The following NUDT13 variants were observed in gnomAD, a reference collection of about 807,000 sequenced individuals.
The protein encoded by NUDT13 is NAD(P)H pyrophosphatase NUDT13, mitochondrial.
A neutral mutation model predicts 41.7 loss-of-function variants in NUDT13; 40 were observed. The ratio of observed to expected loss-of-function variants is 0.96; its 90% CI spans 0.75 to 1.25. NUDT13 has a LOEUF of 1.25. NUDT13 is among the 50% of genes most tolerant of loss of function. The pLI, the probability that NUDT13 is intolerant of heterozygous loss-of-function variation, is 0.00. For synonymous variants in NUDT13, 145 were observed against 155.5 expected, an observed-to-expected ratio of 0.93 and a Z score of 0.50; for missense variants, 390 against 416.1, an observed-to-expected ratio of 0.94 and a Z score of 0.55.
intron 3 of NUDT13, among the ~76,000 whole-genome samples, chr10:73,121,234 C>A (rs1842639695): frequency 6.6e-6 from 1 of 151,972 alleles, no homozygotes; most frequent in African/African-American, 2.4e-5. Context: ...ATTAGTCGAG[C>A]CTTGTGGTGT....
At chr10:73,112,245 C>G (rs1189609997) in intron 1 of NUDT13, among the ~76,000 whole-genome samples, 1 of 151,900 alleles carries the variant, frequency 6.6e-6, no homozygotes, top group Non-Finnish European at 1.5e-5. Flanking sequence ...CCCAACTACT[C>G]GAGAGGCTGA....
At chr10:73,113,171 G>A (rs1842411400) in intron 1 of NUDT13, among the ~76,000 whole-genome samples, 1 of 152,226 alleles carries the variant, frequency 6.6e-6, no homozygotes, top group African/African-American at 2.4e-5. Context: ...ACAGGCGTGA[G>A]CCACCGCACC....
At chr10:73,113,537 A>G (rs986906183) in intron 1 of NUDT13, among the ~76,000 whole-genome samples, 3 of 152,156 alleles carry the variant, frequency 2.0e-5, no homozygotes, top group Admixed American at 6.5e-5. Context: ...AAAGCTGGCT[A>G]TATATTTGTT....
rs144122967 is a variant in NUDT13, at chr10:73,126,835, C to G, written c.858+8C>G. The G allele has an allele frequency of 9.9e-5, 160 of 1,612,586 alleles. No homozygotes were observed. Among genetic ancestry groups the G allele is most frequent in the African/African-American group, 7.5e-4 (56 of 75,004 alleles). On this transcript the variant is annotated splice_region_variant and intron_variant, in intron 8 of 8. Transcript: ENST00000357321. ...AAACCAGGGCAGACAGAAGTAAGTT[C>G]TCATCTTCCCTTATACTGTGATATT...
chr10:73,125,311 C>T, intron 6 of NUDT13, 68 bp downstream of exon 6: 1 of 1,599,832 alleles, frequency 6.3e-7, no homozygotes, highest in East Asian at 2.2e-5. Flanking sequence ...GGGAAGGAAG[C>T]CTGTGCAATT....
chr10:73,124,808 C>T (rs772017322), intron 5 of NUDT13: 59 of 241,318 alleles, frequency 2.4e-4, no homozygotes, highest in Non-Finnish European at 3.9e-4. Flanking sequence ...TTCAACTGTA[C>T]TGGGAATGTT....
rs750238778 is a variant in NUDT13 at position 73,120,071 on chromosome 10, C to T, written c.137C>T (p.Thr46Ile). 1 of 1,614,152 alleles carries T rather than the reference C, an allele frequency of 6.2e-7. No homozygotes were observed. Among genetic ancestry groups the T allele is most frequent in the Admixed American group, 1.7e-5 (1 of 60,026 alleles). The part of the protein sequence containing the change: ...DDDACKKAQQ[T>I]GAFYLFHSLA... Reference sequence around the variant, plus strand: ...GATGCATGTAAAAAAGCCCAGCAAACAGGAGCGTTTTACCTCTTTCATAGT... The same window carrying T: ...GATGCATGTAAAAAAGCCCAGCAAATAGGAGCGTTTTACCTCTTTCATAGT... Residue 46 changes from threonine (T) to isoleucine (I), a missense_variant, in exon 3 of 9, where the codon ACA becomes ATA. Coordinates refer to ENST00000357321, the MANE Select transcript of NUDT13 (RefSeq NM_015901.6).
chr10:73,118,236 C>A (rs1842562311), intron 2 of NUDT13, among the ~76,000 whole-genome samples: 1 of 152,210 alleles, frequency 6.6e-6, no homozygotes, highest in Admixed American at 6.5e-5. Flanking sequence ...CTTAAAAGAT[C>A]AGGTTTCTTT....
chr10:73,128,871 G>A (rs1842850918), intron 8 of NUDT13, among the ~76,000 whole-genome samples: 1 of 152,038 alleles, frequency 6.6e-6, no homozygotes. Flanking sequence ...ATTGTTTCAG[G>A]TTTTATATTT....
intron 1 of NUDT13, among the ~76,000 whole-genome samples, chr10:73,113,937 T>C (rs1214913575): frequency 2.6e-5 from 4 of 152,224 alleles, no homozygotes; most frequent in African/African-American, 7.2e-5. Flanking sequence ...AGGGACCATC[T>C]TGGCCAGAAT....
In NUDT13 at chr10:73,130,723, A is replaced by G. The variant is rs1256480434; in HGVS notation, c.879A>G (p.Glu293=). 2 of 1,613,802 alleles carry G rather than the reference A, an allele frequency of 1.2e-6. No homozygotes were observed. The highest frequency in any genetic ancestry group is 1.7e-5 in the Admixed American group (1 of 60,002). ...GQTEIQVNLR[E]LETAAWFSHD... ...TTCAGATCCAGGTGAACTTGAGAGA[A>G]TTAGAGACAGCTGCCTGGTTCAGTC... Residue 293 remains glutamate, a synonymous_variant, in exon 9 of 9, where the codon GAA becomes GAG. Coordinates refer to ENST00000357321, the MANE Select transcript of NUDT13 (RefSeq NM_015901.6).
chr10:73,131,107 G>A lies in NUDT13; in HGVS notation c.*204G>A. The A allele has an allele frequency of 2.2e-6, 1 of 455,814 alleles. No homozygotes were observed. Among genetic ancestry groups the A allele is most frequent in the East Asian group, 3.8e-5 (1 of 26,136 alleles). 28.2% of individuals were successfully genotyped at this position (455,814 alleles called of 1,614,324 possible). On this transcript the variant is annotated 3_prime_UTR_variant, in exon 9 of 9. Transcript: ENST00000357321. Reference sequence around the variant, plus strand: ...TGGGCAATCAAAAAAGCCAGTGTGAGAAGAAAACTGATGAGCTGTCAACTG... The same window carrying A: ...TGGGCAATCAAAAAAGCCAGTGTGAAAAGAAAACTGATGAGCTGTCAACTG...
intron 2 of NUDT13, 65 bp downstream of exon 2, chr10:73,114,513 G>C (rs1273449045): frequency 1.5e-6 from 1 of 665,602 alleles, no homozygotes; most frequent in East Asian, 3.1e-5. Flanking sequence ...GTGATATTAT[G>C]ATTTTATATA....
chr10:73,122,373 T>G (rs998579763), intron 4 of NUDT13, 64 bp downstream of exon 4: 3 of 1,467,848 alleles, frequency 2.0e-6, no homozygotes, highest in Non-Finnish European at 2.8e-6. Context: ...TTTCACATAA[T>G]GGTAAAATTT....
intron 7 of NUDT13, 28 bp downstream of exon 7, chr10:73,125,537 A>T (rs1842751531): frequency 7.2e-7 from 1 of 1,387,700 alleles, no homozygotes; most frequent in African/African-American, 1.4e-5. Context: ...TATACAGGTG[A>T]CACTGGAAGA....
intron 2 of NUDT13, 25 bp from the exon 3 acceptor site, chr10:73,119,993 T>C (rs201912186): frequency 6.2e-7 from 1 of 1,613,244 alleles, no homozygotes; most frequent in African/African-American, 1.3e-5. Flanking sequence ...GGTTTTGTAA[T>C]GGTTTGATTA....
In NUDT13 at chr10:73,130,918, C is replaced by T. The variant is rs555446668; in HGVS notation, c.*15C>T. 6.2e-7 allele frequency: 1 copy of T among 1,603,798 alleles called. No homozygotes were observed. Among genetic ancestry groups the T allele is most frequent in the South Asian group, 1.1e-5 (1 of 90,688 alleles). The stretch of plus-strand genomic sequence containing the variant: ...TGCCTGCTTAGCCCGGATCAAGTCA[C>T]TTAGATCGCTCCTTGGTATTCCTGA... On this transcript the variant is annotated 3_prime_UTR_variant, in exon 9 of 9. Transcript: ENST00000357321.
At chr10:73,123,288 A>G (rs1842691699) in intron 4 of NUDT13, among the ~76,000 whole-genome samples, 1 of 152,222 alleles carries the variant, frequency 6.6e-6, no homozygotes, top group Non-Finnish European at 1.5e-5. Flanking sequence ...GTGAATAAAA[A>G]TGTTTCCATA....
rs1251890910 is a variant in NUDT13 at position 73,119,912 on chromosome 10, A to G, written c.84-106A>G. 4.3e-5 allele frequency: 50 copies of G among 1,174,582 alleles called. No individual in the cohort carries two copies. In the East Asian group the frequency reaches 6.6e-4, roughly 15 times the overall value. 72.8% of individuals were successfully genotyped at this position (1,174,582 alleles called of 1,614,324 possible). A position where few individuals can be genotyped will look rare whatever the true frequency, so the allele number is the denominator to read the frequency against. ...ATTAGGTTGTAAATAAATAAAGGGAAATAACCATGGTAAGAGAGGGATGCA... is the reference window on the plus strand; with the variant it reads ...ATTAGGTTGTAAATAAATAAAGGGAGATAACCATGGTAAGAGAGGGATGCA... On this transcript the variant is annotated intron_variant, in intron 2 of 8. Coordinates refer to ENST00000357321, the MANE Select transcript of NUDT13 (RefSeq NM_015901.6).
Sources: allele counts gnomAD v4.1 joint callset (sites outside exome capture counted in the v4.1 genomes callset), GRCh38; gene constraint gnomAD v4.1.1; transcripts MANE v1.5; gene names NCBI Gene and HGNC (gene_info 2026-07-23, HGNC 2026-07-21).